IGF2BP1: variants seen among roughly 807,000 people sequenced by gnomAD.
The protein encoded by IGF2BP1 is insulin-like growth factor 2 mRNA-binding protein 1.
IGF2BP1 carries 11 observed loss-of-function variants against 74.9 expected under a neutral mutation model. That is an observed-to-expected ratio of 0.15 (90% CI 0.09 to 0.24). The LOEUF is 0.24. IGF2BP1 is among the 10% of genes least tolerant of loss of function. The pLI is 1.00. For synonymous variants in IGF2BP1, 287 were observed against 281.8 expected, an observed-to-expected ratio of 1.02 and a Z score of -0.18; for missense variants, 440 against 757.4, an observed-to-expected ratio of 0.58 and a Z score of 4.92.
At chr17:49,023,971 C>CAGTGG (rs1201248319) in intron 2 of IGF2BP1, among the ~76,000 whole-genome samples, 1 of 149,794 alleles carries the variant, frequency 6.7e-6, no homozygotes, top group Non-Finnish European at 1.5e-5. Context: ...GGCTGCAGTG[C>CAGTGG]AGTGGTGTGA....
chr17:49,010,136 C>CGAT (rs2041598973), intron 2 of IGF2BP1, among the ~76,000 whole-genome samples: 1 of 152,058 alleles, frequency 6.6e-6, no homozygotes, highest in Admixed American at 6.6e-5. Context: ...GCAACCATCA[C>CGAT]CTTCATCTAT....
chr17:49,019,158 G>C (rs1290950402), intron 2 of IGF2BP1, among the ~76,000 whole-genome samples: 2 of 152,158 alleles, frequency 1.3e-5, no homozygotes, highest in African/African-American at 4.8e-5. Context: ...GCTGAAAGAA[G>C]GAGCAGGTTT....
intron 2 of IGF2BP1, 72 bp downstream of exon 2, chr17:48,999,241 C>T (rs992021346): frequency 6.0e-5 from 54 of 901,484 alleles, no homozygotes; most frequent in African/African-American, 1.2e-4. Context: ...TTCAGGGGTC[C>T]ATAGCGTCTC....
chr17:49,039,949 G>A lies in IGF2BP1; in HGVS notation c.684-8G>A, dbSNP rs369255721. 6.2e-7 allele frequency: 1 copy of A among 1,611,990 alleles called. No homozygotes were observed. On this transcript the variant is annotated splice_region_variant and splice_polypyrimidine_tract_variant and intron_variant, in intron 6 of 14. Transcript: ENST00000290341. Reference sequence around the variant, plus strand: ...ACAACTAACCAGCCTTGTCCTTGTGGCCCCCAGGATAGACGTGCATAGGAA... The same window carrying A: ...ACAACTAACCAGCCTTGTCCTTGTGACCCCCAGGATAGACGTGCATAGGAA...
At chr17:49,031,344 C>A (rs1225196899) in intron 4 of IGF2BP1, among the ~76,000 whole-genome samples, 1 of 152,042 alleles carries the variant, frequency 6.6e-6, no homozygotes, top group Non-Finnish European at 1.5e-5. Flanking sequence ...CTCAAATGAT[C>A]TGCCTGCCTC....
chr17:49,014,621 G>T, intron 2 of IGF2BP1: 1 of 270,364 alleles, frequency 3.7e-6, no homozygotes, highest in Non-Finnish European at 5.7e-6. Context: ...GCGCCCGCCA[G>T]GAAGAAGCCA....
intron 4 of IGF2BP1, among the ~76,000 whole-genome samples, chr17:49,029,230 A>G (rs2041893549): frequency 6.6e-6 from 1 of 152,196 alleles, no homozygotes; most frequent in South Asian, 2.1e-4. Context: ...TTGGTTTACT[A>G]CTGTATTTCC....
rs1352985835 is a variant in IGF2BP1 at position 49,055,455 on chromosome 17, G to GC, written c.*6012dup. The stretch of plus-strand genomic sequence containing the variant: ...CCTGTCCCCCCTCCCCTGCCAATAA[G>GC]CTCCCCCAGGAATAAAGGCTTTGTT... On this transcript the variant is annotated 3_prime_UTR_variant, in exon 15 of 15. Coordinates refer to ENST00000290341, the MANE Select transcript of IGF2BP1 (RefSeq NM_006546.4). 10 of 371,060 alleles carry GC rather than the reference G, an allele frequency of 2.7e-5. No homozygotes were observed. The highest frequency in any genetic ancestry group is 1.3e-4 in the African/African-American group (6 of 47,246). The allele number at this position is 371,060 out of a possible 1,614,324, so 23.0% of individuals were successfully genotyped here.
intron 5 of IGF2BP1, chr17:49,036,756 C>A (rs919450064): frequency 6.5e-6 from 1 of 152,944 alleles, no homozygotes; most frequent in Non-Finnish European, 1.5e-5. Flanking sequence ...TGGAGACCAG[C>A]CTGACCAACA....
rs143642930 is a variant in IGF2BP1, at chr17:49,042,098, C to G, written c.942-144C>G. Reference sequence around the variant, plus strand: ...GGTTACAAACTGGGAACACCAAAGACTGGGGTTGCAGAGTTATTTGCCAGA... The same window carrying G: ...GGTTACAAACTGGGAACACCAAAGAGTGGGGTTGCAGAGTTATTTGCCAGA... On this transcript the variant is annotated intron_variant, in intron 8 of 14. Transcript: ENST00000290341. 2.1e-4 allele frequency: 220 copies of G among 1,053,038 alleles called. 1 individual carries two copies. In the East Asian group the frequency reaches 5.2e-3, roughly 25 times the overall value. 65.2% of individuals were successfully genotyped at this position (1,053,038 alleles called of 1,614,324 possible). A position where few individuals can be genotyped will look rare whatever the true frequency, so the allele number is the denominator to read the frequency against.
intron 5 of IGF2BP1, chr17:49,037,140 C>A (rs1477858233): frequency 2.2e-5 from 9 of 412,308 alleles, no homozygotes; most frequent in Non-Finnish European, 1.9e-5. Context: ...TTTGAAGCAG[C>A]ATCTCAGACA....
intron 3 of IGF2BP1, 50 bp from the exon 4 acceptor site, chr17:49,026,416 A>G (rs1185719850): frequency 2.0e-5 from 32 of 1,564,956 alleles, no homozygotes; most frequent in Non-Finnish European, 2.7e-5. Flanking sequence ...CTGCTTTGCA[A>G]GGGTCTTGGG....
At chr17:49,002,342 A>G (rs1316664144) in intron 2 of IGF2BP1, among the ~76,000 whole-genome samples, 2 of 152,158 alleles carry the variant, frequency 1.3e-5, no homozygotes, top group Non-Finnish European at 2.9e-5. Context: ...TATTTTAACA[A>G]TGATTTGTTG....
At position 49,043,475 on chromosome 17, in the gene IGF2BP1, T is replaced by C. The variant is rs2042075067; in HGVS notation, c.1125T>C (p.Leu375=). Residue 375 remains leucine, a synonymous_variant, in exon 10 of 15, where the codon CTT becomes CTC. Transcript: ENST00000290341. ...IPGLNLAAVG[L]FPASSSAVPP... ...GCCTGAACCTGGCTGCTGTAGGTCT[T>C]TTCCCAGCTTCATCCAGCGCAGTCC... 4 of 1,613,978 alleles carry C rather than the reference T, an allele frequency of 2.5e-6. No individual in the cohort carries two copies. Among genetic ancestry groups the C allele is most frequent in the Non-Finnish European group, 3.4e-6 (4 of 1,179,996 alleles).
chr17:49,011,779 G>T (rs75077788), intron 2 of IGF2BP1, among the ~76,000 whole-genome samples: 5 of 151,906 alleles, frequency 3.3e-5, no homozygotes. Context: ...GGAGTGGGGC[G>T]TAAGCTTAGC....
At chr17:49,032,938 C>T (rs1433188026) in intron 5 of IGF2BP1, among the ~76,000 whole-genome samples, 1 of 152,106 alleles carries the variant, frequency 6.6e-6, no homozygotes, top group Admixed American at 6.6e-5. Context: ...ACCTCAGCCT[C>T]CCAAGTAGGT....
In IGF2BP1 at chr17:49,038,297, C is replaced by T. The variant is rs2042011465; in HGVS notation, c.531C>T (p.Pro177=). Residue 177 remains proline (P), a synonymous_variant, in exon 6 of 15, where the codon CCC becomes CCT. Coordinates refer to ENST00000290341, the MANE Select transcript of IGF2BP1 (RefSeq NM_006546.4). ...RRGGFGSRGQ[P]RQGSPVAAGA... is the part of the protein sequence containing the mutation. ...GGGGCTTTGGCTCTCGGGGTCAGCC[C>T]CGCCAGGGCTCACCTGTGGCAGCGG... is the stretch of plus-strand genomic sequence containing the variant. 6.2e-7 allele frequency: 1 copy of T among 1,604,176 alleles called. No homozygotes were observed. The highest frequency in any genetic ancestry group is 1.3e-5 in the African/African-American group (1 of 74,788).
At chr17:49,041,589 C>T (rs1056820365) in intron 8 of IGF2BP1, 89 bp downstream of exon 8, 13 of 1,519,396 alleles carry the variant, frequency 8.6e-6, no homozygotes, top group Non-Finnish European at 1.2e-5. Flanking sequence ...GATATGTGCT[C>T]TTTTAAAATG....
At chr17:49,023,332 C>G (rs934469235) in intron 2 of IGF2BP1, among the ~76,000 whole-genome samples, 2 of 152,344 alleles carry the variant, frequency 1.3e-5, no homozygotes, top group African/African-American at 2.4e-5. Context: ...TGTTTATTTC[C>G]TTCTTTCCCC....
Sources: allele counts gnomAD v4.1 joint callset (sites outside exome capture counted in the v4.1 genomes callset), GRCh38; gene constraint gnomAD v4.1.1; transcripts MANE v1.5; gene names NCBI Gene and HGNC (gene_info 2026-07-23, HGNC 2026-07-21).